XKR4: variants seen among roughly 807,000 people sequenced by gnomAD.
XKR4 encodes XK related 4, also known as XK-related protein 4.
Under a neutral mutation model 53.9 loss-of-function variants are expected in XKR4, and 12 were observed. The observed-to-expected ratio is 0.22, with a 90% CI of 0.14 to 0.36. XKR4 has a LOEUF of 0.36. XKR4 is among the 10% of genes least tolerant of loss of function. The pLI, the probability that XKR4 is intolerant of heterozygous loss-of-function variation, is 1.00. For missense variants in XKR4, 799 were observed against 859.5 expected, an observed-to-expected ratio of 0.93 and a Z score of 0.88; for synonymous variants, 354 against 362.4, an observed-to-expected ratio of 0.98 and a Z score of 0.26.
chr8:55,541,376 C>G lies in XKR4; in HGVS notation c.*17149C>G, dbSNP rs1202045587. Reference sequence around the variant, plus strand: ...TAATTTGCCTTAAACATTTTGTGCTCCTTTCCCTGTTCAATTTTTTTGTTT... The same window carrying G: ...TAATTTGCCTTAAACATTTTGTGCTGCTTTCCCTGTTCAATTTTTTTGTTT... On this transcript the variant is annotated 3_prime_UTR_variant, in exon 3 of 3. Transcript: ENST00000327381. 6.6e-6 allele frequency: 1 copy of G among 152,102 alleles called. No individual in the cohort carries two copies. Among genetic ancestry groups the G allele is most frequent in the African/African-American group, 2.4e-5 (1 of 41,390 alleles). The allele number at this position is 152,102 out of a possible 1,614,324, so 9.4% of individuals were successfully genotyped here.
At chr8:55,137,380 A>T (rs1816645638) in intron 1 of XKR4, among the ~76,000 whole-genome samples, 1 of 152,206 alleles carries the variant, frequency 6.6e-6, no homozygotes, top group Non-Finnish European at 1.5e-5. Flanking sequence ...TTATATATTG[A>T]GCACCTGCTG....
At chr8:55,416,270 A>G (rs543442728) in intron 2 of XKR4, among the ~76,000 whole-genome samples, 1 of 152,288 alleles carries the variant, frequency 6.6e-6, no homozygotes, top group Non-Finnish European at 1.5e-5. Context: ...AACTTGGGAA[A>G]CGTAAGACTG....
intron 1 of XKR4, among the ~76,000 whole-genome samples, chr8:55,335,773 T>C (rs1165122621): frequency 6.6e-6 from 1 of 152,082 alleles, no homozygotes; most frequent in Non-Finnish European, 1.5e-5. Flanking sequence ...ATGCAACAGC[T>C]TGGGTAGATC....
At chr8:55,201,247 A>G (rs958806681) in intron 1 of XKR4, among the ~76,000 whole-genome samples, 2 of 152,240 alleles carry the variant, frequency 1.3e-5, no homozygotes, top group African/African-American at 4.8e-5. Context: ...TAAGGCAGGC[A>G]AATAAAGAGG....
intron 2 of XKR4, among the ~76,000 whole-genome samples, chr8:55,418,735 C>T (rs1804884532): frequency 6.6e-6 from 1 of 152,338 alleles, no homozygotes; most frequent in Admixed American, 6.5e-5. Flanking sequence ...GAGGCACAGG[C>T]TCAGTGATAG....
intron 2 of XKR4, among the ~76,000 whole-genome samples, chr8:55,497,922 C>A (rs111656403): frequency 6.6e-6 from 1 of 152,076 alleles, no homozygotes; most frequent in South Asian, 2.1e-4. Context: ...ACCAGTGGCC[C>A]GGGATCTCCC....
At chr8:55,477,086 G>A (rs1344859248) in intron 2 of XKR4, among the ~76,000 whole-genome samples, 1 of 135,332 alleles carries the variant, frequency 7.4e-6, no homozygotes, top group Non-Finnish European at 1.6e-5. Context: ...AGAATGGGCA[G>A]ACTTCCTCCT....
At chr8:55,421,109 G>T (rs777277015) in intron 2 of XKR4, among the ~76,000 whole-genome samples, 2 of 152,112 alleles carry the variant, frequency 1.3e-5, no homozygotes, top group Non-Finnish European at 2.9e-5. Context: ...TCAAGCCCTT[G>T]CTTTATTTCT....
chr8:55,452,404 C>T (rs931537289), intron 2 of XKR4: 17 of 625,522 alleles, frequency 2.7e-5, no homozygotes, highest in East Asian at 5.9e-5. Context: ...AGGAAGAGGG[C>T]GCCCTCAGCT....
rs1806866533 is a variant in XKR4, at chr8:55,525,286, C to A, written c.*1059C>A. 1.3e-5 allele frequency: 2 copies of A among 152,624 alleles called. No homozygotes were observed. The highest frequency in any genetic ancestry group is 2.9e-5 in the Non-Finnish European group (2 of 68,078). 9.5% of individuals were successfully genotyped at this position (152,624 alleles called of 1,614,324 possible). A position where few individuals can be genotyped will look rare whatever the true frequency, so the allele number is the denominator to read the frequency against. On this transcript the variant is annotated 3_prime_UTR_variant, in exon 3 of 3. Transcript: ENST00000327381. ...TCCAACCACAGGACTGACGTGGAAG[C>A]CCCAAACAACTGAGAATGAGTGGCA...
At chr8:55,271,261 A>G (rs947805970) in intron 1 of XKR4, among the ~76,000 whole-genome samples, 1 of 152,200 alleles carries the variant, frequency 6.6e-6, no homozygotes, top group Non-Finnish European at 1.5e-5. Context: ...TCAACAGAAC[A>G]TAATACCTTA....
intron 1 of XKR4, among the ~76,000 whole-genome samples, chr8:55,197,645 G>A (rs1185529615): frequency 2.6e-5 from 4 of 151,232 alleles, no homozygotes; most frequent in East Asian, 1.9e-4. Context: ...CTGGGTTCAC[G>A]CCATTCTCCT....
At chr8:55,204,126 G>A (rs945617892) in intron 1 of XKR4, among the ~76,000 whole-genome samples, 13 of 151,486 alleles carry the variant, frequency 8.6e-5, no homozygotes, top group Admixed American at 7.9e-4. Context: ...CCCTCCCACC[G>A]CAGTCTCTGG....
chr8:55,266,570 A>T (rs1003976519), intron 1 of XKR4, among the ~76,000 whole-genome samples: 4 of 152,206 alleles, frequency 2.6e-5, no homozygotes, highest in Admixed American at 2.6e-4. Context: ...GTTGAAGACT[A>T]GTCAGTTGCA....
chr8:55,512,555 A>T, intron 2 of XKR4, among the ~76,000 whole-genome samples: 1 of 152,174 alleles, frequency 6.6e-6, no homozygotes, highest in East Asian at 1.9e-4. Context: ...TGCTGTAAAT[A>T]TGTATGTTGC....
chr8:55,495,178 C>A (rs959813536), intron 2 of XKR4, among the ~76,000 whole-genome samples: 1 of 152,192 alleles, frequency 6.6e-6, no homozygotes, highest in Non-Finnish European at 1.5e-5. Context: ...CTAGACTTGG[C>A]CCAGACTTGT....
At chr8:55,429,284 A>G (rs1805063488) in intron 2 of XKR4, among the ~76,000 whole-genome samples, 2 of 152,242 alleles carry the variant, frequency 1.3e-5, no homozygotes, top group Admixed American at 1.3e-4. Flanking sequence ...TTCAAAATGG[A>G]TAACAGACTT....
At chr8:55,520,200 A>AG (rs1806779123) in intron 2 of XKR4, among the ~76,000 whole-genome samples, 1 of 152,264 alleles carries the variant, frequency 6.6e-6, no homozygotes, top group Non-Finnish European at 1.5e-5. Context: ...TGAAGTTGTA[A>AG]GGGTCTTAAC....
intron 1 of XKR4, among the ~76,000 whole-genome samples, chr8:55,147,598 C>T (rs1419505017): frequency 6.6e-6 from 1 of 152,190 alleles, no homozygotes; most frequent in Admixed American, 6.5e-5. Flanking sequence ...GGCTTGTGGC[C>T]TGCTTGTCCC....
Sources: gnomAD v4.1 joint callset for allele counts (sites outside exome capture counted in the v4.1 genomes callset) on GRCh38, gnomAD v4.1.1 for gene constraint, MANE v1.5 for transcripts, NCBI Gene and HGNC (gene_info 2026-07-23, HGNC 2026-07-21) for gene names.